Variants in MUC4 observed in about 807,000 individuals in gnomAD.
The protein encoded by MUC4 is mucin-4.
In MUC4, 202 loss-of-function variants were observed where a neutral mutation model predicts 257.9. The ratio of observed to expected loss-of-function variants is 0.78; its 90% CI spans 0.70 to 0.88. The LOEUF is 0.88. Among genes scored for constraint, MUC4 ranks in the 40% least tolerant of loss-of-function variants. The probability of loss-of-function intolerance (pLI) is 0.00; values close to 1 mark genes in which losing one functional copy is unlikely to be tolerated. For synonymous variants in MUC4, 2,351 were observed against 2,757.1 expected (o/e 0.85, Z 4.62); for missense variants, 5,976 against 6,513.7 (o/e 0.92, Z 2.84).
In MUC4 at chr3:195,763,547, G is replaced by C; in HGVS notation, c.14139C>G (p.Asp4713Glu). Residue 4713 changes from aspartate to glutamate, a missense_variant, in exon 12 of 25, where the codon GAC (aspartate) becomes GAG (glutamate). By Grantham distance (45) the Asp-to-Glu change is conservative. Coordinates refer to ENST00000463781, the MANE Select transcript of MUC4 (RefSeq NM_018406.7). Reference sequence around the variant, plus strand: ...CCTGAAGCAGGAAGGAGGAGTTCCCGTCTTGGGCCCCGACCAGCAGGAAGT... The same window carrying C: ...CCTGAAGCAGGAAGGAGGAGTTCCCCTCTTGGGCCCCGACCAGCAGGAAGT... ...LGDFLLVGAQ[D>E]GNSSFLLQGR... 6.3e-7 allele frequency: 1 copy of C among 1,589,094 alleles called. No individual in the cohort carries two copies. The highest frequency in any genetic ancestry group is 8.6e-7 in the Non-Finnish European group (1 of 1,166,926).
intron 23 of MUC4, chr3:195,750,383 G>T (rs1716146244): frequency 8.5e-6 from 1 of 117,974 alleles, no homozygotes; most frequent in Non-Finnish European, 1.7e-5. Context: ...AGGTGCTGGG[G>T]GGTGTTGAGG....
chr3:195,793,650 G>A lies in MUC4; in HGVS notation c.83-2153C>T, dbSNP rs146098122. On this transcript the variant is annotated intron_variant, in intron 1 of 24. Transcript: ENST00000463781. ...TAGCCAATGGTCTTCTCCAGCTCCC[G>A]CCTGTCTTCCTTGTGAGGAGGAAGG... 3.0e-4 allele frequency among the ~76,000 whole-genome samples: 45 copies of A among 152,264 alleles called. No individual in the cohort carries two copies. In the East Asian group the frequency reaches 3.3e-3, roughly 11 times the overall value.
At chr3:195,809,930 C>A (rs842458) in intron 1 of MUC4, 127,315 of 152,476 alleles carry the variant, frequency 0.83, 53,801 homozygotes, top group African/African-American at 0.96. Context: ...AAGACTTGGC[C>A]CTGGGGCTCC....
chr3:195,772,162 T>C (rs1465471429), intron 4 of MUC4, among the ~76,000 whole-genome samples: 2 of 151,054 alleles, frequency 1.3e-5, no homozygotes, highest in African/African-American at 4.9e-5. Context: ...GCTCAGGGAG[T>C]GGAACCCTCT....
In MUC4 at chr3:195,788,905, G is replaced by T. The variant is rs1016769363; in HGVS notation, c.2675C>A (p.Thr892Asn). Reference sequence around the variant, plus strand: ...CTCCTGAGGAGAGGCACTGGGAGAAGTTGGGCTTGACTGTCCTGTCGGTCT... The same window carrying T: ...CTCCTGAGGAGAGGCACTGGGAGAATTTGGGCTTGACTGTCCTGTCGGTCT... ...AGRPTGQSSP[T>N]SPSASPQETA... Residue 892 changes from threonine to asparagine, a missense_variant, in exon 2 of 25, where the codon ACT becomes AAT. Transcript: ENST00000463781. The T allele has an allele frequency of 3.1e-6, 5 of 1,613,558 alleles. No homozygotes were observed. Among genetic ancestry groups the T allele is most frequent in the East Asian group, 2.2e-5 (1 of 44,886 alleles).
chr3:195,763,938 T>A (rs1235596722), intron 11 of MUC4, 107 bp downstream of exon 11: 18 of 1,434,002 alleles, frequency 1.3e-5, no homozygotes, highest in Non-Finnish European at 1.6e-5. Context: ...CCATCTTCCC[T>A]TGTGGCCACA....
At chr3:195,778,487 T>C (rs767239605) in intron 2 of MUC4, 32 bp from the exon 3 acceptor site, 3 of 1,604,532 alleles carry the variant, frequency 1.9e-6, no homozygotes, top group Non-Finnish European at 2.5e-6. Context: ...GCGGGGTGTT[T>C]CTTACAGTAA....
intron 21 of MUC4, 52 bp downstream of exon 21, chr3:195,752,321 C>G: frequency 1.3e-6 from 2 of 1,499,350 alleles, no homozygotes; most frequent in Non-Finnish European, 1.9e-6. Context: ...CCGCCCTGGC[C>G]TGAACCCGCC....
rs773354555 is a variant in MUC4, at chr3:195,788,781, T to A, written c.2799A>T (p.Ser933=). ...SLASQATDTF[S]TVPPTPPSIT... ...TCGATGGAGGTGTGGGTGGGACTGT[T>A]GAGAAGGTGTCGGTTGCCTGGGACG... is the stretch of plus-strand genomic sequence containing the variant. Residue 933 remains serine, a synonymous_variant, in exon 2 of 25, where the codon TCA becomes TCT. Transcript: ENST00000463781. 2.4e-5 allele frequency: 38 copies of A among 1,613,574 alleles called. No homozygotes were observed. Among genetic ancestry groups the A allele is most frequent in the Admixed American group, 1.0e-4 (6 of 59,966 alleles).
At chr3:195,764,925 G>A in intron 10 of MUC4, 72 bp downstream of exon 10, 1 of 1,577,222 alleles carries the variant, frequency 6.3e-7, no homozygotes, top group African/African-American at 1.3e-5. Context: ...GAAGGAATGA[G>A]GACGAGAGGC....
In MUC4 at chr3:195,762,949, G is replaced by A; in HGVS notation, c.14254-4C>T. 6 of 1,552,412 alleles carry A rather than the reference G, an allele frequency of 3.9e-6. No homozygotes were observed. Among genetic ancestry groups the A allele is most frequent in the Non-Finnish European group, 5.2e-6 (6 of 1,148,748 alleles). On this transcript the variant is annotated splice_region_variant and splice_polypyrimidine_tract_variant and intron_variant, in intron 12 of 24. Coordinates refer to ENST00000463781, the MANE Select transcript of MUC4 (RefSeq NM_018406.7). ...GAGGCTCAAGGAGCCATTGGACCTG[G>A]AAGGAGATGGGAGGGGGCCTGAGCC...
Position 195,789,255 on chromosome 3 carries a change from C to T in MUC4, c.2325G>A (p.Gln775=). 1 of 1,613,858 alleles carries T rather than the reference C, an allele frequency of 6.2e-7. No individual in the cohort carries two copies. Among genetic ancestry groups the T allele is most frequent in the Non-Finnish European group, 8.5e-7 (1 of 1,179,836 alleles). The change falls in exon 2 of 25, where the codon CAG becomes CAA. Residue 775 remains glutamine, a synonymous_variant. Transcript: ENST00000463781. Reference sequence around the variant, plus strand: ...GTCCAGAGGCCTCTGTGCTCTCAGCCTGGTGGGTATGGGTCATGGCTGCTG... The same window carrying T: ...GTCCAGAGGCCTCTGTGCTCTCAGCTTGGTGGGTATGGGTCATGGCTGCTG... ...DTAAAMTHTH[Q]AESTEASGQT... is the part of the protein sequence containing the mutation.
intron 16 of MUC4, among the ~76,000 whole-genome samples, chr3:195,759,997 T>G: frequency 6.8e-6 from 1 of 148,140 alleles, no homozygotes; most frequent in South Asian, 2.2e-4. Flanking sequence ...AGAGAGGGAG[T>G]GAAACCTCTT....
intron 18 of MUC4, among the ~76,000 whole-genome samples, chr3:195,754,899 A>ATG (rs1398244366): frequency 2.0e-4 from 6 of 30,582 alleles, no homozygotes; most frequent in African/African-American, 6.5e-4. Context: ...GTATCCATGT[A>ATG]TGTATGTGTG....
chr3:195,769,388 C>T (rs776613783), intron 6 of MUC4: 7 of 526,850 alleles, frequency 1.3e-5, no homozygotes, highest in Non-Finnish European at 2.3e-5. Context: ...TGACTTTCTT[C>T]CAGGAGGGGA....
chr3:195,754,861 ATATGTATCAATG>A (rs1429750911), intron 18 of MUC4, among the ~76,000 whole-genome samples: 2 of 144,962 alleles, frequency 1.4e-5, no homozygotes, highest in African/African-American at 5.1e-5. Flanking sequence ...ATCCATGTAG[ATATGTATCAATG>A]TATGTATCCA....
intron 16 of MUC4, 36 bp from the exon 17 acceptor site, chr3:195,759,297 G>C: frequency 2.5e-6 from 4 of 1,607,870 alleles, no homozygotes; most frequent in Non-Finnish European, 3.4e-6. Context: ...TTCCGAGGCA[G>C]GACAGTCTCC....
At chr3:195,768,947 G>A (rs950377963) in intron 7 of MUC4, 75 bp downstream of exon 7, 5 of 1,537,508 alleles carry the variant, frequency 3.3e-6, no homozygotes, top group Admixed American at 3.6e-5. Context: ...CAGGATGGGA[G>A]TGTGTGTGCA....
intron 1 of MUC4, among the ~76,000 whole-genome samples, chr3:195,799,892 T>C (rs1578471047): frequency 1.3e-5 from 2 of 152,302 alleles, no homozygotes; most frequent in East Asian, 3.9e-4. Flanking sequence ...TGCAAGAGTG[T>C]GCCTGTTTCC....
Sources: allele counts gnomAD v4.1 joint callset (sites outside exome capture counted in the v4.1 genomes callset), GRCh38; gene constraint gnomAD v4.1.1; transcripts MANE v1.5; gene names NCBI Gene and HGNC (gene_info 2026-07-23, HGNC 2026-07-21).